Variants in ASPSCR1 observed in about 807,000 individuals in gnomAD.
ASPSCR1 encodes the protein tether containing UBX domain for GLUT4.
ASPSCR1 carries 55 observed loss-of-function variants against 68.9 expected under a neutral mutation model. The ratio of observed to expected loss-of-function variants is 0.80; its 90% CI spans 0.64 to 1.00. The LOEUF is 1.00. ASPSCR1 is among the 50% of genes least tolerant of loss of function. ASPSCR1 has a pLI of 0.00. For missense variants in ASPSCR1, 765 were observed against 762.2 expected (o/e 1.00, Z -0.04); for synonymous variants, 352 against 332.6 (o/e 1.06, Z -0.63).
In ASPSCR1 at chr17:81,996,013, C is replaced by G. The variant is rs368561373; in HGVS notation, c.454C>G (p.Arg152Gly). ...GCAGGTGACGGGTGAAGCTGCCCTGCGGGGCACGACGCTGCAGTCGCTGGG... is the reference window on the plus strand; with the variant it reads ...GCAGGTGACGGGTGAAGCTGCCCTGGGGGGCACGACGCTGCAGTCGCTGGG... The part of the protein sequence containing the change: ...RDEVTGEAAL[R>G]GTTLQSLGLT... Residue 152 changes from arginine (R) to glycine (G), a missense_variant, in exon 6 of 16, where the codon CGG becomes GGG. Coordinates refer to ENST00000306739, the MANE Select transcript of ASPSCR1 (RefSeq NM_024083.4). The G allele has an allele frequency of 6.0e-5, 96 of 1,610,024 alleles. 2 individuals are homozygous for G. In the Middle Eastern group the frequency reaches 1.2e-3, roughly 20 times the overall value.
chr17:82,016,013 C>T (rs1241594371), intron 12 of ASPSCR1: 1 of 175,506 alleles, frequency 5.7e-6, no homozygotes, highest in Non-Finnish European at 1.2e-5. Flanking sequence ...ATCCCCCAGC[C>T]CCACTCCCAC....
intron 13 of ASPSCR1, 60 bp downstream of exon 13, chr17:82,016,587 A>G: frequency 6.5e-7 from 1 of 1,545,402 alleles, no homozygotes; most frequent in Middle Eastern, 1.9e-4. Context: ...TGGACCTCAG[A>G]GCCAGCTGCC....
In ASPSCR1 at chr17:81,996,409, G is replaced by A; in HGVS notation, c.507-11G>A. The A allele has an allele frequency of 6.4e-7, 1 of 1,571,500 alleles. No homozygotes were observed. On this transcript the variant is annotated splice_polypyrimidine_tract_variant and intron_variant, in intron 6 of 15. Transcript: ENST00000306739. ...CACAAGGTGCTTCCCTTGTCCTCTG[G>A]CCCCACTCAGGTTTGTCATGAAGTG...
rs556979074 is a variant in ASPSCR1 at position 81,989,047 on chromosome 17, A to C, written c.374+3440A>C. Among the ~76,000 whole-genome samples, 17 of 152,190 alleles carry C rather than the reference A, an allele frequency of 1.1e-4. No homozygotes were observed. In the East Asian group the frequency reaches 1.2e-3, roughly 10 times the overall value. ...ACATGGTGAAACCCCGTCTCTACTA[A>C]AAATACAAAAAGCAGCTGGGTGTGG... is the stretch of plus-strand genomic sequence containing the variant. On this transcript the variant is annotated intron_variant, in intron 4 of 15. Coordinates refer to ENST00000306739, the MANE Select transcript of ASPSCR1 (RefSeq NM_024083.4).
intron 2 of ASPSCR1, among the ~76,000 whole-genome samples, chr17:81,980,906 C>G (rs986100858): frequency 6.6e-6 from 1 of 152,188 alleles, no homozygotes; most frequent in Non-Finnish European, 1.5e-5. Flanking sequence ...TGGCTCATGC[C>G]TGTAATCCTA....
At chr17:81,980,068 C>T (rs1251314917) in intron 2 of ASPSCR1, among the ~76,000 whole-genome samples, 2 of 152,182 alleles carry the variant, frequency 1.3e-5, no homozygotes, top group Non-Finnish European at 2.9e-5. Flanking sequence ...CTGCAACCTC[C>T]ACCTCCTAGG....
At chr17:82,005,537 GACACCTGGCGGCCAC>G (rs1448911753) in intron 7 of ASPSCR1, 1 of 152,332 alleles carries the variant, frequency 6.6e-6, no homozygotes, top group South Asian at 2.1e-4. Flanking sequence ...GGCCCCCAGG[GACACCTGGCGGCCAC>G]ACACCTGGGG....
intron 12 of ASPSCR1, chr17:82,015,072 C>T: frequency 1.3e-6 from 2 of 1,596,052 alleles, no homozygotes; most frequent in Non-Finnish European, 8.5e-7. Context: ...TTTCCCTTTC[C>T]AGCCCCAGCT....
intron 7 of ASPSCR1, chr17:82,007,389 C>T (rs1221220010): frequency 6.6e-6 from 1 of 152,242 alleles, no homozygotes; most frequent in Admixed American, 6.5e-5. Flanking sequence ...AGTCAACAGC[C>T]CCCTAGCAGC....
chr17:82,009,344 G>T lies in ASPSCR1; in HGVS notation c.1089-142G>T, dbSNP rs2042832657. ...CAGGACCTCAGAGGGTTGGGGCCCAGGGAGGGGCGTCCAGACCTTCCTGCC... is the reference window on the plus strand; with the variant it reads ...CAGGACCTCAGAGGGTTGGGGCCCATGGAGGGGCGTCCAGACCTTCCTGCC... On this transcript the variant is annotated intron_variant, in intron 8 of 15. Transcript: ENST00000306739. 3 of 1,374,064 alleles carry T rather than the reference G, an allele frequency of 2.2e-6. No homozygotes were observed. The African/African-American group carries it at 4.4e-5, about 20-fold the overall frequency. The allele number at this position is 1,374,064 out of a possible 1,614,324, so 85.1% of individuals were successfully genotyped here.
intron 15 of ASPSCR1, 28 bp from the exon 16 acceptor site, chr17:82,017,281 T>A (rs1439944237): frequency 6.2e-7 from 1 of 1,610,482 alleles, no homozygotes; most frequent in Admixed American, 1.7e-5. Context: ...CCGGGGTGTG[T>A]GGTCACCCTG....
At position 81,996,773 on chromosome 17, in the gene ASPSCR1, C is replaced by G; in HGVS notation, c.860C>G (p.Ser287Trp). The change falls in exon 7 of 16, where the codon TCG (serine) becomes TGG (tryptophan). Residue 287 changes from serine to tryptophan, a missense_variant. Physicochemically the swap from Ser to Trp is radical, Grantham distance 177. Transcript: ENST00000306739. ...GGPSKPKKSK[S>W]GQDPQQEQEQ... is the part of the protein sequence containing the mutation. ...CCCTCCAAGCCAAAGAAGTCCAAGT[C>G]GGGCCAGGATCCCCAGCAGGAGCAG... is the stretch of plus-strand genomic sequence containing the variant. 6.2e-7 allele frequency: 1 copy of G among 1,612,232 alleles called. No homozygotes were observed. The highest frequency in any genetic ancestry group is 8.5e-7 in the Non-Finnish European group (1 of 1,179,662).
At chr17:82,015,521 G>A (rs939981325) in intron 12 of ASPSCR1, 1 of 924,586 alleles carries the variant, frequency 1.1e-6, no homozygotes, top group Non-Finnish European at 1.6e-6. Flanking sequence ...CCTGGCCTGT[G>A]GGGGCTATGA....
At chr17:81,989,082 C>T (rs886135048) in intron 4 of ASPSCR1, among the ~76,000 whole-genome samples, 1 of 152,112 alleles carries the variant, frequency 6.6e-6, no homozygotes, top group Non-Finnish European at 1.5e-5. Context: ...GTGGTGAGGG[C>T]CTGTAATCCC....
intron 5 of ASPSCR1, 110 bp from the exon 6 acceptor site, chr17:81,995,882 C>T (rs2042318494): frequency 1.9e-6 from 2 of 1,031,670 alleles, no homozygotes; most frequent in South Asian, 1.4e-5. Context: ...AGGATGGAGG[C>T]CAGAGAGGGC....
At chr17:82,011,435 C>A in intron 10 of ASPSCR1, 108 bp from the exon 11 acceptor site, 3 of 1,074,448 alleles carry the variant, frequency 2.8e-6, no homozygotes, top group South Asian at 1.6e-5. Context: ...TGAATTCCCA[C>A]CCCTCGGGGA....
intron 3 of ASPSCR1, among the ~76,000 whole-genome samples, chr17:81,984,432 C>T (rs2041897070): frequency 6.6e-6 from 1 of 152,036 alleles, no homozygotes; most frequent in Admixed American, 6.6e-5. Context: ...CAAAAATTAG[C>T]CGTGGGTGGT....
intron 7 of ASPSCR1, 96 bp from the exon 8 acceptor site, chr17:82,008,941 A>G: frequency 7.1e-7 from 1 of 1,401,914 alleles, no homozygotes; most frequent in Non-Finnish European, 9.3e-7. Flanking sequence ...CCCAGCTCCC[A>G]AGTCTGTGTG....
In ASPSCR1 at chr17:82,012,274, C is replaced by A. The variant is rs781627131; in HGVS notation, c.1344C>A (p.Thr448=). 1 of 1,613,456 alleles carries A rather than the reference C, an allele frequency of 6.2e-7. No homozygotes were observed. The highest frequency in any genetic ancestry group is 1.1e-5 in the South Asian group (1 of 91,084). The part of the protein sequence containing the change: ...PKTVLDDHTQ[T]LFQANLFPAA... Reference sequence around the variant, plus strand: ...CAGTCCTGGACGACCACACGCAGACCCTCTTTCAGGTACCTGAGGGCCTCC... The same window carrying A: ...CAGTCCTGGACGACCACACGCAGACACTCTTTCAGGTACCTGAGGGCCTCC... Residue 448 remains threonine (T), a synonymous_variant, in exon 12 of 16, where the codon ACC becomes ACA. Transcript: ENST00000306739.
Sources: allele counts gnomAD v4.1 joint callset (sites outside exome capture counted in the v4.1 genomes callset), GRCh38; gene constraint gnomAD v4.1.1; transcripts MANE v1.5; gene names NCBI Gene and HGNC (gene_info 2026-07-23, HGNC 2026-07-21).